CNGA4: variants seen among roughly 807,000 people sequenced by gnomAD.
CNGA4 encodes the protein cyclic nucleotide gated channel subunit alpha 4, also known as cyclic nucleotide-gated channel alpha-4.
A neutral mutation model predicts 45.6 loss-of-function variants in CNGA4; 32 were observed. The observed-to-expected ratio is 0.70, with a 90% CI of 0.53 to 0.94. CNGA4 has a LOEUF of 0.94. Ranked by LOEUF, CNGA4 falls within the 40% of genes least tolerant of loss-of-function variation. CNGA4 has a pLI of 0.00. For synonymous variants in CNGA4, 293 were observed against 304.6 expected (o/e 0.96, Z 0.40); for missense variants, 726 against 755.1 (o/e 0.96, Z 0.45).
At position 6,241,628 on chromosome 11, in the gene CNGA4, G is replaced by A. The variant is rs1354388697; in HGVS notation, c.1115G>A (p.Gly372Asp). ...LKLQPQTYSP[G>D]EYVCRKGDIG... ...CTGCAGCCCCAGACCTACTCACCAG[G>A]TGAATATGTATGCCGCAAAGGAGAC... is the stretch of plus-strand genomic sequence containing the variant. Residue 372 changes from glycine (G) to aspartate (D), a missense_variant, in exon 5 of 6, where the codon GGT (glycine) becomes GAT (aspartate). Coordinates refer to ENST00000379936, the MANE Select transcript of CNGA4 (RefSeq NM_001037329.4). The A allele has an allele frequency of 2.5e-6, 4 of 1,614,232 alleles. No homozygotes were observed. Among genetic ancestry groups the A allele is most frequent in the East Asian group, 2.2e-5 (1 of 44,884 alleles).
At chr11:6,237,769 G>A (rs753141374), upstream of CNGA4, among the ~76,000 whole-genome samples, 1 of 152,092 alleles carries the variant, frequency 6.6e-6, no homozygotes, top group Non-Finnish European at 1.5e-5. Flanking sequence ...AATTTAATTA[G>A]GGACCACAGG....
downstream of CNGA4, among the ~76,000 whole-genome samples, chr11:6,244,720 T>G (rs1053095474): frequency 4.6e-5 from 7 of 151,620 alleles, no homozygotes; most frequent in Non-Finnish European, 1.0e-4. This position sits in a 1 kb window ranked among gnomAD's most constrained non-coding sequence, Gnocchi z 4.5. Flanking sequence ...CACACATGCT[T>G]TCTCACAAGC....
At chr11:6,235,350 A>G (rs2133867770), upstream of CNGA4, among the ~76,000 whole-genome samples, 1 of 152,288 alleles carries the variant, frequency 6.6e-6, no homozygotes, top group South Asian at 2.1e-4. Context: ...TAGTCAAGGA[A>G]CACGGAATAA....
chr11:6,236,223 CAGTGTGTCGGG>C (rs1018947147), upstream of CNGA4, among the ~76,000 whole-genome samples: 12 of 152,190 alleles, frequency 7.9e-5, no homozygotes, highest in Admixed American at 7.9e-4. Context: ...GCAATCAGTA[CAGTGTGTCGGG>C]AGCCTAGGGA....
At chr11:6,241,909 A>G in intron 5 of CNGA4, 129 bp downstream of exon 5, 1 of 778,402 alleles carries the variant, frequency 1.3e-6, no homozygotes, top group Non-Finnish European at 2.1e-6. Flanking sequence ...CCCTTCTCTG[A>G]GTCACTAGAT....
chr11:6,238,484 T>G (rs999418981), upstream of CNGA4, among the ~76,000 whole-genome samples: 1 of 152,148 alleles, frequency 6.6e-6, no homozygotes, highest in East Asian at 1.9e-4. Context: ...AAGAGAAAAG[T>G]TGAAAGATTG....
chr11:6,238,029 C>T (rs1265885333), upstream of CNGA4, among the ~76,000 whole-genome samples: 1 of 152,200 alleles, frequency 6.6e-6, no homozygotes, highest in Non-Finnish European at 1.5e-5. Flanking sequence ...TATGCCTTTG[C>T]CCACTCTGTG....
chr11:6,241,310 G>A lies in CNGA4; in HGVS notation c.918-121G>A, dbSNP rs146105690. 1.9e-4 allele frequency: 150 copies of A among 770,476 alleles called. No individual in the cohort carries two copies. In the African/African-American group the frequency reaches 2.0e-3, roughly 10 times the overall value. 47.7% of individuals were successfully genotyped at this position (770,476 alleles called of 1,614,324 possible). The stretch of plus-strand genomic sequence containing the variant: ...TAATCCAACTGTCAGGTACTCCCAT[G>A]ACCCCTGTTAGATCTCAGTATGGTG... On this transcript the variant is annotated intron_variant, in intron 4 of 5. Coordinates refer to ENST00000379936, the MANE Select transcript of CNGA4 (RefSeq NM_001037329.4).
At chr11:6,243,047 C>T (rs1362218080) in intron 5 of CNGA4, among the ~76,000 whole-genome samples, 3 of 152,208 alleles carry the variant, frequency 2.0e-5, no homozygotes, top group African/African-American at 4.8e-5. Flanking sequence ...CTGCGCTTCT[C>T]GCACTCTGAA....
rs1022529844 is a variant in CNGA4 at position 6,241,339 on chromosome 11, T to G, written c.918-92T>G. 13 of 1,010,884 alleles carry G rather than the reference T, an allele frequency of 1.3e-5. No individual in the cohort carries two copies. In the African/African-American group the frequency reaches 2.1e-4, roughly 16 times the overall value. The allele number at this position is 1,010,884 out of a possible 1,614,324, so 62.6% of individuals were successfully genotyped here. A position where few individuals can be genotyped will look rare whatever the true frequency, so the allele number is the denominator to read the frequency against. ...CCTGTTAGATCTCAGTATGGTGGGA[T>G]TCTTGGCTGGAGCTGAGCTGAGCCC... On this transcript the variant is annotated intron_variant, in intron 4 of 5. Transcript: ENST00000379936.
Position 6,244,052 on chromosome 11 carries a change from T to G in CNGA4, c.1371T>G (p.Tyr457Ter). The G allele has an allele frequency of 6.2e-7, 1 of 1,614,078 alleles. No homozygotes were observed. Among genetic ancestry groups the G allele is most frequent in the Non-Finnish European group, 8.5e-7 (1 of 1,179,998 alleles). The change falls in exon 6 of 6, where the codon TAT (tyrosine) becomes TAG (stop). Residue 457 changes from tyrosine to a stop codon, truncating the protein, a stop_gained. Coordinates refer to ENST00000379936, the MANE Select transcript of CNGA4 (RefSeq NM_001037329.4). LOFTEE classifies it high-confidence loss of function. This position sits in a 1 kb window ranked among gnomAD's most constrained non-coding sequence, Gnocchi z 4.5. ...KEDLREVLSEYPQAQTIMEEK... is the reference protein window; with the variant it reads ...KEDLREVLSE ...ACCTGCGGGAGGTGCTGAGCGAGTATCCACAAGCACAGACCATCATGGAGG... is the reference window on the plus strand; with the variant it reads ...ACCTGCGGGAGGTGCTGAGCGAGTAGCCACAAGCACAGACCATCATGGAGG...
upstream of CNGA4, among the ~76,000 whole-genome samples, chr11:6,236,019 T>C (rs371258557): frequency 6.6e-6 from 1 of 152,292 alleles, no homozygotes. Context: ...GCTATAGTTA[T>C]GTAAGATCAT....
chr11:6,239,331 C>G, intron 1 of CNGA4, 53 bp from the exon 2 acceptor site: 1 of 1,612,866 alleles, frequency 6.2e-7, no homozygotes, highest in Non-Finnish European at 8.5e-7. Context: ...CCAGTCACAA[C>G]TACAGCTTTG....
chr11:6,238,965 G>A, upstream of CNGA4: 1 of 1,214,350 alleles, frequency 8.2e-7, no homozygotes, highest in Admixed American at 3.1e-5. Flanking sequence ...GAGGTGTTTA[G>A]CTGGGCAGGT....
At chr11:6,237,491 AC>A (rs1490302011), upstream of CNGA4, among the ~76,000 whole-genome samples, 3 of 152,154 alleles carry the variant, frequency 2.0e-5, no homozygotes, top group Non-Finnish European at 4.4e-5. Context: ...CCTGTGGGTG[AC>A]TGACGTCAAT....
rs762816129 is a variant in CNGA4 at position 6,240,541 on chromosome 11, C to T, written c.747C>T (p.Gly249=). The change falls in exon 4 of 6, where the codon GGC becomes GGT. Residue 249 remains glycine, a synonymous_variant. Coordinates refer to ENST00000379936, the MANE Select transcript of CNGA4 (RefSeq NM_001037329.4). The surrounding 1 kb of genome is among the most constrained non-coding windows in gnomAD (Gnocchi z 4.9). ...AREEEYLFMV[G]DFLLAVMGFA... ...AAGAAGAGTACCTCTTCATGGTGGG[C>T]GACTTCCTGCTGGCCGTCATGGGTT... The T allele has an allele frequency of 1.2e-6, 2 of 1,614,196 alleles. No homozygotes were observed. Among genetic ancestry groups the T allele is most frequent in the Middle Eastern group, 1.6e-4 (1 of 6,062 alleles).
chr11:6,238,822 A>T (rs1474427691), upstream of CNGA4, among the ~76,000 whole-genome samples: 1 of 152,232 alleles, frequency 6.6e-6, no homozygotes, highest in Non-Finnish European at 1.5e-5. Context: ...TCCTACACTA[A>T]AACTGAGGTC....
chr11:6,236,115 AAAAAGTATTT>A (rs1847834269), upstream of CNGA4, among the ~76,000 whole-genome samples: 1 of 152,208 alleles, frequency 6.6e-6, no homozygotes, highest in African/African-American at 2.4e-5. Flanking sequence ...TAGTTCAAAT[AAAAAGTATTT>A]AAAAAGAAAT....
intron 5 of CNGA4, 47 bp from the exon 6 acceptor site, chr11:6,243,902 C>A (rs1847951413): frequency 5.8e-6 from 9 of 1,563,426 alleles, no homozygotes; most frequent in South Asian, 1.2e-5. Flanking sequence ...ATGCCACCTC[C>A]TCACCCTCCT....
Sources: allele counts gnomAD v4.1 joint callset (sites outside exome capture counted in the v4.1 genomes callset), GRCh38; gene constraint gnomAD v4.1.1; non-coding constraint Gnocchi (gnomAD v3.1); transcripts MANE v1.5; gene names NCBI Gene and HGNC (gene_info 2026-07-23, HGNC 2026-07-21).